The following GRIK3 variants were observed in gnomAD, a reference collection of about 807,000 sequenced individuals.
GRIK3 encodes the protein glutamate receptor ionotropic, kainate 3.
A neutral mutation model predicts 102.5 loss-of-function variants in GRIK3; 29 were observed. That is an observed-to-expected ratio of 0.28 (90% CI 0.21 to 0.39). GRIK3 has a LOEUF of 0.39. Among genes scored for constraint, GRIK3 ranks in the 10% least tolerant of loss-of-function variants. The pLI, the probability that GRIK3 is intolerant of heterozygous loss-of-function variation, is 1.00. For missense variants in GRIK3, 908 were observed against 1,252.4 expected (o/e 0.73, Z 4.15); for synonymous variants, 511 against 504.9 (o/e 1.01, Z -0.16).
chr1:36,954,105 G>A (rs576211368), intron 1 of GRIK3, among the ~76,000 whole-genome samples: 11 of 152,200 alleles, frequency 7.2e-5, no homozygotes, highest in Admixed American at 3.9e-4. Context: ...CATCCTTTCC[G>A]CTGGGGAACC....
At chr1:36,844,058 C>T (rs998949997) in intron 9 of GRIK3, among the ~76,000 whole-genome samples, 6 of 152,228 alleles carry the variant, frequency 3.9e-5, no homozygotes, top group East Asian at 1.9e-4. Flanking sequence ...CCCGCTGTGG[C>T]GGCAAGCTTG....
At chr1:36,843,160 T>A (rs1283328029) in intron 9 of GRIK3, among the ~76,000 whole-genome samples, 1 of 152,182 alleles carries the variant, frequency 6.6e-6, no homozygotes, top group Non-Finnish European at 1.5e-5. Flanking sequence ...AGAGAGGCGA[T>A]CCACTTCATC....
chr1:37,008,807 G>C (rs1642558342), intron 1 of GRIK3, among the ~76,000 whole-genome samples: 1 of 152,208 alleles, frequency 6.6e-6, no homozygotes, highest in Non-Finnish European at 1.5e-5. Context: ...AAATGCCAGG[G>C]AGATGAATGG....
intron 12 of GRIK3, 97 bp from the exon 13 acceptor site, chr1:36,817,374 G>T: frequency 4.9e-6 from 4 of 813,484 alleles, no homozygotes; most frequent in Middle Eastern, 2.7e-4. Flanking sequence ...TCTAATGAAA[G>T]CTAAGGCCCT....
intron 1 of GRIK3, among the ~76,000 whole-genome samples, chr1:36,947,311 A>G (rs1641794958): frequency 6.6e-6 from 1 of 151,608 alleles, no homozygotes; most frequent in African/African-American, 2.4e-5. Flanking sequence ...CCCTGCCCCC[A>G]TCACTACCTG....
chr1:36,888,412 G>A (rs1050830671), intron 2 of GRIK3, among the ~76,000 whole-genome samples: 1 of 152,180 alleles, frequency 6.6e-6, no homozygotes, highest in Non-Finnish European at 1.5e-5. Flanking sequence ...GGGGCTTCTG[G>A]AGGGCTCACA....
intron 1 of GRIK3, among the ~76,000 whole-genome samples, chr1:36,956,134 C>A (rs890372524): frequency 2.6e-5 from 4 of 152,212 alleles, no homozygotes; most frequent in African/African-American, 9.6e-5. Context: ...GAACTCTGCT[C>A]CCCGCCCTTT....
At chr1:36,908,531 G>A (rs1028236198) in intron 1 of GRIK3, among the ~76,000 whole-genome samples, 4 of 152,156 alleles carry the variant, frequency 2.6e-5, no homozygotes, top group Non-Finnish European at 5.9e-5. Context: ...TCCCTGCCCC[G>A]CTGGAGGCTG....
In GRIK3 at chr1:36,934,592, A is replaced by G. The variant is rs189045984; in HGVS notation, c.116-43496T>C. On this transcript the variant is annotated intron_variant, in intron 1 of 15. Transcript: ENST00000373091. ...CTTTCCCGACCTCCCAGTCCTCAGT[A>G]TTTTCCTTCATGACTCTTATTACAA... Among the ~76,000 whole-genome samples the G allele has an allele frequency of 1.2e-4, 19 of 152,130 alleles. No individual in the cohort carries two copies. The East Asian group carries it at 3.5e-3, about 28-fold the overall frequency.
At chr1:36,846,974 C>T (rs1640526804) in intron 9 of GRIK3, among the ~76,000 whole-genome samples, 1 of 152,258 alleles carries the variant, frequency 6.6e-6, no homozygotes, top group South Asian at 2.1e-4. Flanking sequence ...CCTCCATTCC[C>T]CTGCCTCCAG....
chr1:36,904,289 C>T (rs541731052), intron 1 of GRIK3, among the ~76,000 whole-genome samples: 12 of 152,304 alleles, frequency 7.9e-5, no homozygotes, highest in African/African-American at 1.2e-4. Context: ...ATGCCGAGCA[C>T]GTGCATAAAA....
chr1:36,864,776 C>T (rs1291729266), intron 5 of GRIK3, among the ~76,000 whole-genome samples: 3 of 152,116 alleles, frequency 2.0e-5, no homozygotes, highest in Admixed American at 6.5e-5. Flanking sequence ...CAGAGTGCCC[C>T]CATCCCCGTG....
intron 1 of GRIK3, among the ~76,000 whole-genome samples, chr1:36,977,100 T>C (rs1642203916): frequency 6.6e-6 from 1 of 152,312 alleles, no homozygotes; most frequent in Middle Eastern, 3.4e-3. Context: ...CCTCTGGTGT[T>C]GGAGTCAGGT....
At chr1:37,009,285 C>T (rs1642564357) in intron 1 of GRIK3, among the ~76,000 whole-genome samples, 1 of 152,100 alleles carries the variant, frequency 6.6e-6, no homozygotes, top group Admixed American at 6.6e-5. Context: ...TGATGTAGGA[C>T]TTGTGATTTT....
At chr1:37,026,370 T>C (rs1642764429) in intron 1 of GRIK3, among the ~76,000 whole-genome samples, 1 of 152,116 alleles carries the variant, frequency 6.6e-6, no homozygotes, top group Non-Finnish European at 1.5e-5. Flanking sequence ...CCCATGGGTA[T>C]GTGAGCGATG....
At chr1:36,975,316 A>ATTTTTTTT (rs1642184846) in intron 1 of GRIK3, among the ~76,000 whole-genome samples, 1 of 62,098 alleles carries the variant, frequency 1.6e-5, no homozygotes, top group Non-Finnish European at 2.8e-5. Flanking sequence ...TTTGAGAGGG[A>ATTTTTTTT]GTCTTGCTCT....
intron 1 of GRIK3, among the ~76,000 whole-genome samples, chr1:37,006,174 G>A (rs1446528931): frequency 6.6e-6 from 1 of 152,122 alleles, no homozygotes; most frequent in African/African-American, 2.4e-5. Context: ...TGGCTCCCTG[G>A]GGTCTCCTGC....
intron 1 of GRIK3, among the ~76,000 whole-genome samples, chr1:37,032,869 C>T (rs1005481585): frequency 2.0e-5 from 3 of 152,222 alleles, no homozygotes; most frequent in Non-Finnish European, 2.9e-5. Flanking sequence ...AAGCCCGACA[C>T]CGGTTCCGGC....
intron 1 of GRIK3, among the ~76,000 whole-genome samples, chr1:36,944,738 C>G (rs1242974993): frequency 6.6e-6 from 1 of 152,114 alleles, no homozygotes; most frequent in African/African-American, 2.4e-5. Flanking sequence ...GCTTTGGGGT[C>G]AGAGAGATGT....
Sources: gnomAD v4.1 joint callset for allele counts (sites outside exome capture counted in the v4.1 genomes callset) on GRCh38, gnomAD v4.1.1 for gene constraint, MANE v1.5 for transcripts, NCBI Gene and HGNC (gene_info 2026-07-23, HGNC 2026-07-21) for gene names.